The following ZDHHC14 variants were observed in gnomAD, a reference collection of about 807,000 sequenced individuals.
ZDHHC14 encodes palmitoyltransferase ZDHHC14.
ZDHHC14 carries 16 observed loss-of-function variants against 47.7 expected under a neutral mutation model. That is an observed-to-expected ratio of 0.34 (90% CI 0.23 to 0.51). ZDHHC14 has a LOEUF of 0.51. Among genes scored for constraint, ZDHHC14 ranks in the 20% least tolerant of loss-of-function variants. ZDHHC14 has a pLI of 0.97. For synonymous variants in ZDHHC14, 293 were observed against 278.9 expected (o/e 1.05, Z -0.50); for missense variants, 515 against 662.5 (o/e 0.78, Z 2.44).
At chr6:157,419,524 G>T (rs1778055097) in intron 1 of ZDHHC14, among the ~76,000 whole-genome samples, 1 of 152,100 alleles carries the variant, frequency 6.6e-6, no homozygotes, top group Admixed American at 6.5e-5. Context: ...CTATAGTTTT[G>T]TCTTTTCCCG....
intron 1 of ZDHHC14, among the ~76,000 whole-genome samples, chr6:157,523,433 A>G (rs1781032902): frequency 1.3e-5 from 2 of 152,038 alleles, no homozygotes; most frequent in Admixed American, 1.3e-4. Context: ...TTCTAATGGG[A>G]CACTGGAAGG....
intron 1 of ZDHHC14, among the ~76,000 whole-genome samples, chr6:157,390,364 G>A (rs907951187): frequency 2.0e-5 from 3 of 152,124 alleles, no homozygotes; most frequent in Non-Finnish European, 4.4e-5. Flanking sequence ...ATGATAACAT[G>A]CCTATGTATG....
intron 1 of ZDHHC14, among the ~76,000 whole-genome samples, chr6:157,521,408 T>C (rs1482665898): frequency 1.3e-5 from 2 of 152,194 alleles, no homozygotes; most frequent in African/African-American, 2.4e-5. Context: ...AGGCATCTAT[T>C]ACAACAAAAT....
At chr6:157,656,681 A>G (rs1463673023) in intron 8 of ZDHHC14, among the ~76,000 whole-genome samples, 23 of 148,402 alleles carry the variant, frequency 1.5e-4, no homozygotes, top group Admixed American at 4.8e-4. Context: ...GGGCTTGAGC[A>G]CTGTGTCAGG....
intron 1 of ZDHHC14, among the ~76,000 whole-genome samples, chr6:157,455,380 C>G (rs746040130): frequency 6.6e-6 from 1 of 152,210 alleles, no homozygotes; most frequent in Non-Finnish European, 1.5e-5. Flanking sequence ...GGGAGGAAAG[C>G]GTTCTGGCCT....
Position 157,593,091 on chromosome 6 carries a change from C to T in ZDHHC14, c.510C>T (p.Cys170=). 6.2e-7 allele frequency: 1 copy of T among 1,614,196 alleles called. No homozygotes were observed. The highest frequency in any genetic ancestry group is 8.5e-7 in the Non-Finnish European group (1 of 1,180,028). ...QTVKLKYCFT[C]KIFRPPRASH... is the part of the protein sequence containing the mutation. ...TGAAACTTAAATACTGTTTCACCTG[C>T]AAGATTTTCCGGCCCCCTCGCGCCT... The change falls in exon 3 of 9, where the codon TGC becomes TGT. Residue 170 remains cysteine (C), a synonymous_variant. Coordinates refer to ENST00000359775, the MANE Select transcript of ZDHHC14 (RefSeq NM_024630.3).
intron 2 of ZDHHC14, among the ~76,000 whole-genome samples, chr6:157,543,473 G>C (rs1276195385): frequency 1.3e-5 from 2 of 152,056 alleles, no homozygotes; most frequent in African/African-American, 4.8e-5. Context: ...GTGATGACTT[G>C]GTGTGAACAT....
chr6:157,637,359 T>C (rs1777037301), intron 5 of ZDHHC14, among the ~76,000 whole-genome samples: 1 of 152,198 alleles, frequency 6.6e-6, no homozygotes. Context: ...TGGGTCCTGC[T>C]TGTCAGTGTG....
chr6:157,510,908 G>A (rs995247178), intron 1 of ZDHHC14, among the ~76,000 whole-genome samples: 9 of 152,248 alleles, frequency 5.9e-5, no homozygotes, highest in African/African-American at 2.2e-4. Context: ...TACCGGGGCT[G>A]CTTCCTGCCC....
intron 1 of ZDHHC14, among the ~76,000 whole-genome samples, chr6:157,387,365 C>T (rs1777334610): frequency 6.6e-6 from 1 of 152,152 alleles, no homozygotes; most frequent in Admixed American, 6.5e-5. Flanking sequence ...AGATGGGTAA[C>T]TTATTTTCTA....
chr6:157,548,486 G>A (rs1782080348), intron 2 of ZDHHC14, among the ~76,000 whole-genome samples: 1 of 152,084 alleles, frequency 6.6e-6, no homozygotes, highest in African/African-American at 2.4e-5. Flanking sequence ...TGCTCCTGTT[G>A]CCCAGGCTGG....
At chr6:157,522,537 A>G (rs1780958963) in intron 1 of ZDHHC14, among the ~76,000 whole-genome samples, 1 of 152,112 alleles carries the variant, frequency 6.6e-6, no homozygotes, top group East Asian at 1.9e-4. Context: ...GAAATAACTC[A>G]CATAGGAAAT....
chr6:157,623,498 C>T (rs1053356648), intron 3 of ZDHHC14, among the ~76,000 whole-genome samples: 8 of 150,726 alleles, frequency 5.3e-5, no homozygotes, highest in Non-Finnish European at 1.0e-4. Flanking sequence ...TACCCAGTCT[C>T]GGGTATGCCC....
At chr6:157,521,037 T>C (rs1055822862) in intron 1 of ZDHHC14, among the ~76,000 whole-genome samples, 16 of 152,228 alleles carry the variant, frequency 1.1e-4, no homozygotes, top group Non-Finnish European at 1.6e-4. Context: ...CCACATAAAA[T>C]GTAACTGCCC....
intron 8 of ZDHHC14, 95 bp from the exon 9 acceptor site, chr6:157,672,629 A>ACCCCC (rs1778848426): frequency 5.3e-5 from 5 of 94,134 alleles, no homozygotes; most frequent in Non-Finnish European, 6.8e-5. Flanking sequence ...CTCGCACCCC[A>ACCCCC]CCCTCCCCGC....
intron 2 of ZDHHC14, among the ~76,000 whole-genome samples, chr6:157,562,362 G>C (rs1441147450): frequency 6.6e-6 from 1 of 152,216 alleles, no homozygotes; most frequent in African/African-American, 2.4e-5. Context: ...AAGCTCCCAG[G>C]GTGGACGCTG....
intron 1 of ZDHHC14, among the ~76,000 whole-genome samples, chr6:157,431,319 A>G (rs1282782180): frequency 1.3e-5 from 2 of 152,238 alleles, no homozygotes; most frequent in Non-Finnish European, 2.9e-5. Flanking sequence ...TGTAGGAACC[A>G]TACAGAGTGG....
chr6:157,526,967 A>G (rs550699394), intron 1 of ZDHHC14, among the ~76,000 whole-genome samples: 1 of 152,282 alleles, frequency 6.6e-6, no homozygotes, highest in African/African-American at 2.4e-5. Context: ...GACTTGGGGC[A>G]GCATCTTTAG....
chr6:157,504,246 C>T (rs889721793), intron 1 of ZDHHC14, among the ~76,000 whole-genome samples: 3 of 151,760 alleles, frequency 2.0e-5, no homozygotes, highest in African/African-American at 4.8e-5. Flanking sequence ...CTCGCTGTGC[C>T]GCCCAGGCTG....
Sources: gnomAD v4.1 joint callset for allele counts (sites outside exome capture counted in the v4.1 genomes callset) on GRCh38, gnomAD v4.1.1 for gene constraint, MANE v1.5 for transcripts, NCBI Gene and HGNC (gene_info 2026-07-23, HGNC 2026-07-21) for gene names.